The following KTN1 variants were observed in gnomAD, a reference collection of about 807,000 sequenced individuals.
KTN1 encodes kinectin 1, also known as kinectin.
A neutral mutation model predicts 222.5 loss-of-function variants in KTN1; 130 were observed. The ratio of observed to expected loss-of-function variants is 0.58; its 90% CI spans 0.51 to 0.68. The LOEUF (loss-of-function observed/expected upper bound fraction) is 0.68. KTN1 is among the 30% of genes least tolerant of loss of function. The pLI is 0.00. For synonymous variants in KTN1, 512 were observed against 496.3 expected, an observed-to-expected ratio of 1.03 and a Z score of -0.42; for missense variants, 1,508 against 1,500.4, an observed-to-expected ratio of 1.01 and a Z score of -0.08.
intron 29 of KTN1, chr14:55,656,356 G>T: frequency 2.5e-6 from 1 of 397,378 alleles, no homozygotes. Flanking sequence ...ATACTAACTT[G>T]TATATTTTGC....
rs749250299 is a variant in KTN1 at position 55,652,958 on chromosome 14, A to G, written c.2694+18A>G. 3.4e-5 allele frequency: 54 copies of G among 1,595,840 alleles called. No individual in the cohort carries two copies. Among genetic ancestry groups the G allele is most frequent in the Non-Finnish European group, 4.5e-5 (52 of 1,166,586 alleles). On this transcript the variant is annotated intron_variant, in intron 26 of 43. Transcript: ENST00000395314. The stretch of plus-strand genomic sequence containing the variant: ...GGTTACAGGTGAGAAATTAAAAACA[A>G]TAAAAAATAGCCTTTTTATACTTGA...
chr14:55,628,496 A>G (rs2040123276), intron 6 of KTN1, among the ~76,000 whole-genome samples: 1 of 152,212 alleles, frequency 6.6e-6, no homozygotes, highest in Non-Finnish European at 1.5e-5. Context: ...AGTAAAAAAT[A>G]CCAGAAAAGC....
At chr14:55,680,627 TG>T (rs763908861) in intron 43 of KTN1, 2 of 1,009,688 alleles carry the variant, frequency 2.0e-6, no homozygotes, top group Non-Finnish European at 2.9e-6. Flanking sequence ...TTAGGTATCC[TG>T]GAAAAGTTGG....
At position 55,618,197 on chromosome 14, in the gene KTN1, GTCATAGATTTCATTTTC is replaced by G. The variant is rs538787767; in HGVS notation, c.832+71_832+87del. 313 of 1,193,460 alleles carry G rather than the reference GTCATAGATTTCATTTTC, an allele frequency of 2.6e-4. No homozygotes were observed. The African/African-American group carries it at 4.4e-3, about 17-fold the overall frequency. 73.9% of individuals were successfully genotyped at this position (1,193,460 alleles called of 1,614,324 possible). Reference sequence around the variant, plus strand: ...AAACACATTTCTGAGTTCTGATGGAGTCATAGATTTCATTTTCTCATAGAAACAATGCATTTCAAAAG... The same window carrying G: ...AAACACATTTCTGAGTTCTGATGGAGTCATAGAAACAATGCATTTCAAAAG... On this transcript the variant is annotated intron_variant, in intron 4 of 43. Coordinates refer to ENST00000395314, the MANE Select transcript of KTN1 (RefSeq NM_001079521.2).
intron 31 of KTN1, 189 bp from the exon 32 acceptor site, chr14:55,661,333 T>C (rs551883534): frequency 5.1e-4 from 238 of 471,074 alleles, no homozygotes; most frequent in African/African-American, 4.4e-3. Flanking sequence ...AAACTTATAT[T>C]AGAAATCATT....
chr14:55,644,168 C>G, intron 18 of KTN1: 1 of 424,200 alleles, frequency 2.4e-6, no homozygotes, highest in Non-Finnish European at 4.2e-6. Flanking sequence ...TTCCTCTAGT[C>G]GTTTTTATTG....
At chr14:55,596,458 T>C (rs896010654) in intron 1 of KTN1, among the ~76,000 whole-genome samples, 5 of 152,170 alleles carry the variant, frequency 3.3e-5, no homozygotes, top group Admixed American at 1.3e-4. Flanking sequence ...GTTGAGGTGA[T>C]TGTGTTGTAA....
In KTN1 at chr14:55,627,905, A is replaced by C; in HGVS notation, c.964-7A>C. The stretch of plus-strand genomic sequence containing the variant: ...TTACTAATTCTGCATTGCTTTCTCA[A>C]TTGCAGTCAAGTAAGGGAGAATTGA... On this transcript the variant is annotated splice_polypyrimidine_tract_variant and splice_region_variant and intron_variant, in intron 5 of 43. Transcript: ENST00000395314. 2 of 1,533,364 alleles carry C rather than the reference A, an allele frequency of 1.3e-6. No homozygotes were observed. The highest frequency in any genetic ancestry group is 1.8e-6 in the Non-Finnish European group (2 of 1,108,530). The allele number at this position is 1,533,364 out of a possible 1,614,324, so 95.0% of individuals were successfully genotyped here.
intron 20 of KTN1, 133 bp from the exon 21 acceptor site, chr14:55,648,669 G>A (rs2042631826): frequency 1.5e-6 from 1 of 678,002 alleles, no homozygotes; most frequent in East Asian, 2.7e-5. Flanking sequence ...TATAGACATG[G>A]AAAAAAGTGA....
Position 55,684,128 on chromosome 14 carries a change from A to C in KTN1, c.*25A>C, listed in dbSNP as rs1300803859. The C allele has an allele frequency of 6.3e-7, 1 of 1,580,502 alleles. No individual in the cohort carries two copies. The highest frequency in any genetic ancestry group is 2.3e-5 in the East Asian group (1 of 44,160). ...AAGTAATTGGGAAACTGTTCATTTG[A>C]GGATAAAAAAGGCATTGTATTATAT... is the stretch of plus-strand genomic sequence containing the variant. On this transcript the variant is annotated 3_prime_UTR_variant, in exon 44 of 44. Coordinates refer to ENST00000395314, the MANE Select transcript of KTN1 (RefSeq NM_001079521.2).
chr14:55,611,327 C>T (rs904643087), intron 1 of KTN1, among the ~76,000 whole-genome samples: 9 of 146,172 alleles, frequency 6.2e-5, no homozygotes, highest in African/African-American at 2.4e-4. Context: ...GACTGGAACT[C>T]CTAGGCTCAA....
intron 2 of KTN1, among the ~76,000 whole-genome samples, chr14:55,613,291 T>C (rs2037862063): frequency 6.6e-6 from 1 of 152,036 alleles, no homozygotes; most frequent in Non-Finnish European, 1.5e-5. Context: ...TTTTAAAGTT[T>C]GGTTAAGTAC....
intron 5 of KTN1, among the ~76,000 whole-genome samples, chr14:55,622,209 C>T (rs2039243361): frequency 6.6e-6 from 1 of 152,060 alleles, no homozygotes; most frequent in South Asian, 2.1e-4. Context: ...TTTGCTCTGA[C>T]TAGAAGTGCT....
chr14:55,658,624 AT>A lies in KTN1; in HGVS notation c.2961+12del. 1 of 1,575,350 alleles carries A rather than the reference AT, an allele frequency of 6.3e-7. No individual in the cohort carries two copies. Among genetic ancestry groups the A allele is most frequent in the Non-Finnish European group, 8.7e-7 (1 of 1,151,654 alleles). On this transcript the variant is annotated intron_variant, in intron 30 of 43. Coordinates refer to ENST00000395314, the MANE Select transcript of KTN1 (RefSeq NM_001079521.2). Reference sequence around the variant, plus strand: ...ACAAAACTACCAACAGGTAGGTATTATTAGATGTCTTGCCTTTCACTTACGT... The same window carrying A: ...ACAAAACTACCAACAGGTAGGTATTATAGATGTCTTGCCTTTCACTTACGT...
At position 55,629,974 on chromosome 14, in the gene KTN1, A is replaced by C; in HGVS notation, c.1098A>C (p.Lys366Asn). ...TCTTTTAGGAAATGATGACAGAGAAAGAAAGAAGCAATGTGGTTATAACAA... is the reference window on the plus strand; with the variant it reads ...TCTTTTAGGAAATGATGACAGAGAACGAAAGAAGCAATGTGGTTATAACAA... ...KQLTQEMMTE[K>N]ERSNVVITRM... Residue 366 changes from lysine to asparagine, a missense_variant, in exon 7 of 44, where the codon AAA (lysine) becomes AAC (asparagine). Physicochemically the swap from Lys to Asn is moderately conservative, Grantham distance 94 (BLOSUM62 0). Coordinates refer to ENST00000395314, the MANE Select transcript of KTN1 (RefSeq NM_001079521.2). 1 of 1,595,060 alleles carries C rather than the reference A, an allele frequency of 6.3e-7. No individual in the cohort carries two copies. The highest frequency in any genetic ancestry group is 8.6e-7 in the Non-Finnish European group (1 of 1,164,208).
chr14:55,619,152 T>C, intron 4 of KTN1, 30 bp from the exon 5 acceptor site: 1 of 1,573,722 alleles, frequency 6.4e-7, no homozygotes, highest in South Asian at 1.1e-5. Flanking sequence ...AAATGCCAAC[T>C]CTTTGTTTGT....
At chr14:55,615,892 T>TTCTCTCTCTCTCTTTCTC (rs143855394) in intron 2 of KTN1, among the ~76,000 whole-genome samples, 1 of 150,694 alleles carries the variant, frequency 6.6e-6, no homozygotes, top group South Asian at 2.1e-4. Flanking sequence ...CTTTCTCTCT[T>TTCTCTCTCTCTCTTTCTC]TCTCTCTCTC....
At chr14:55,582,922 A>G (rs2032053352) in intron 1 of KTN1, among the ~76,000 whole-genome samples, 1 of 152,182 alleles carries the variant, frequency 6.6e-6, no homozygotes, top group South Asian at 2.1e-4. Context: ...GCAAGTAACT[A>G]TTTCTCTAGA....
intron 19 of KTN1, among the ~76,000 whole-genome samples, 156 bp from the exon 20 acceptor site, chr14:55,647,869 G>A (rs1203274691): frequency 2.6e-5 from 4 of 151,668 alleles, no homozygotes; most frequent in African/African-American, 7.3e-5. Context: ...GCATGAACCC[G>A]GGAGGCGGAG....
Sources: allele counts gnomAD v4.1 joint callset (sites outside exome capture counted in the v4.1 genomes callset), GRCh38; gene constraint gnomAD v4.1.1; transcripts MANE v1.5; gene names NCBI Gene and HGNC (gene_info 2026-07-23, HGNC 2026-07-21).